The following ADAM12 variants were observed in gnomAD, a reference collection of about 807,000 sequenced individuals.
ADAM12 encodes the protein ADAM metallopeptidase domain 12, also known as disintegrin and metalloproteinase domain-containing protein 12.
Under a neutral mutation model 106.4 loss-of-function variants are expected in ADAM12, and 70 were observed. The ratio of observed to expected loss-of-function variants is 0.66; its 90% CI spans 0.54 to 0.80. ADAM12 has a LOEUF of 0.80. ADAM12 is among the 30% of genes least tolerant of loss of function. ADAM12 has a pLI of 0.00. For missense variants in ADAM12, 1,010 were observed against 1,171.9 expected (o/e 0.86, Z 2.02); for synonymous variants, 420 against 433.5 (o/e 0.97, Z 0.39).
intron 3 of ADAM12, among the ~76,000 whole-genome samples, chr10:126,226,559 C>T (rs978657221): frequency 2.6e-5 from 4 of 152,146 alleles, no homozygotes; most frequent in African/African-American, 4.8e-5. Flanking sequence ...GCTCTGCCTC[C>T]GGCCAGCTGA....
chr10:126,286,426 A>C (rs531490422), intron 2 of ADAM12, among the ~76,000 whole-genome samples: 2 of 152,312 alleles, frequency 1.3e-5, no homozygotes, highest in South Asian at 4.1e-4. Flanking sequence ...TCAATACTGG[A>C]AGCTCAGAGG....
At chr10:126,243,520 G>A in intron 3 of ADAM12, among the ~76,000 whole-genome samples, 1 of 73,006 alleles carries the variant, frequency 1.4e-5, no homozygotes, top group Admixed American at 1.5e-4. Flanking sequence ...TGTGTGTGTA[G>A]GTCATTCAGG....
intron 3 of ADAM12, among the ~76,000 whole-genome samples, chr10:126,180,924 A>T (rs1320266914): frequency 6.6e-6 from 1 of 152,232 alleles, no homozygotes; most frequent in Non-Finnish European, 1.5e-5. Context: ...AAGAAGTACA[A>T]GTCTGAAGGA....
At position 126,319,607 on chromosome 10, in the gene ADAM12, C is replaced by T. The variant is rs146496401; in HGVS notation, c.186+10805G>A. ...CAACCAAGAGGAGCCTTCAGAGACA[C>T]GACACTGAACACGATATAATGTGAG... On this transcript the variant is annotated intron_variant, in intron 2 of 22. Coordinates refer to ENST00000448723, the MANE Select transcript of ADAM12 (RefSeq NM_001288973.2). Among the ~76,000 whole-genome samples the T allele has an allele frequency of 2.5e-3, 380 of 152,224 alleles. 1 individual carries two copies. Among genetic ancestry groups the T allele is most frequent in the African/African-American group, 8.6e-3 (357 of 41,538 alleles).
At chr10:126,182,840 C>T (rs1251101880) in intron 3 of ADAM12, among the ~76,000 whole-genome samples, 1 of 152,220 alleles carries the variant, frequency 6.6e-6, no homozygotes, top group Admixed American at 6.5e-5. Flanking sequence ...AGTTAATTTT[C>T]CCGCCTCCTG....
At chr10:126,232,988 G>A (rs1432134864) in intron 3 of ADAM12, among the ~76,000 whole-genome samples, 2 of 152,048 alleles carry the variant, frequency 1.3e-5, no homozygotes, top group Admixed American at 6.6e-5. Flanking sequence ...GTGGCATCTC[G>A]ATATGTTTCT....
chr10:126,240,929 C>T (rs1958509914), intron 3 of ADAM12, among the ~76,000 whole-genome samples: 1 of 152,238 alleles, frequency 6.6e-6, no homozygotes, highest in African/African-American at 2.4e-5. Context: ...CTTGCTATGG[C>T]ATAGGCCAAA....
At chr10:126,113,367 A>T (rs1159073840) in intron 6 of ADAM12, among the ~76,000 whole-genome samples, 1 of 151,948 alleles carries the variant, frequency 6.6e-6, no homozygotes, top group African/African-American at 2.4e-5. Context: ...GTGAGATTTT[A>T]AAAATATTGC....
intron 3 of ADAM12, among the ~76,000 whole-genome samples, chr10:126,186,383 G>C (rs7893228): frequency 0.1 from 15,708 of 152,140 alleles, 2,754 homozygotes; most frequent in African/African-American, 0.36. Flanking sequence ...TTTCTGTCTG[G>C]GTCTGCCTGG....
rs1402871071 is a variant in ADAM12, at chr10:126,013,462, A to C, written c.*3817T>G. 6.6e-6 allele frequency: 1 copy of C among 152,238 alleles called. No individual in the cohort carries two copies. The highest frequency in any genetic ancestry group is 1.5e-5 in the Non-Finnish European group (1 of 68,054). The allele number at this position is 152,238 out of a possible 1,614,324, so 9.4% of individuals were successfully genotyped here. ...AACTTCCCCTTCTAATTAGAACAAG[A>C]CATTGGGTGGGAGGTCCTCTGCTGG... On this transcript the variant is annotated 3_prime_UTR_variant, in exon 23 of 23. Coordinates refer to ENST00000448723, the MANE Select transcript of ADAM12 (RefSeq NM_001288973.2). The surrounding 1 kb of genome is among the most constrained non-coding windows in gnomAD (Gnocchi z 4.3).
intron 8 of ADAM12, among the ~76,000 whole-genome samples, chr10:126,102,111 T>C (rs561723797): frequency 6.6e-6 from 1 of 152,236 alleles, no homozygotes; most frequent in Admixed American, 6.5e-5. Context: ...AGGGATGGCT[T>C]TGTCTCATAG....
intron 1 of ADAM12, among the ~76,000 whole-genome samples, chr10:126,341,474 A>G (rs1373785864): frequency 6.6e-6 from 1 of 152,308 alleles, no homozygotes; most frequent in East Asian, 1.9e-4. Context: ...TCACCCTGCA[A>G]TGTCTGATCC....
In ADAM12 at chr10:126,233,933, G is replaced by C. The variant is rs1958364006; in HGVS notation, c.260+44982C>G. On this transcript the variant is annotated intron_variant, in intron 3 of 22. Coordinates refer to ENST00000448723, the MANE Select transcript of ADAM12 (RefSeq NM_001288973.2). ...AGGTTCTATAAAGGAAAAGAGAAGA[G>C]ATTAAGGAACCGGCAATATATCATT... 2.6e-5 allele frequency among the ~76,000 whole-genome samples: 4 copies of C among 152,218 alleles called. No homozygotes were observed. In the South Asian group the frequency reaches 8.3e-4, roughly 31 times the overall value.
rs939590396 is a variant in ADAM12, at chr10:126,066,602, C to T, written c.1413+115G>A. The T allele has an allele frequency of 2.6e-5, 24 of 918,326 alleles. No individual in the cohort carries two copies. Among genetic ancestry groups the T allele is most frequent in the East Asian group, 1.5e-4 (6 of 39,650 alleles). 56.9% of individuals were successfully genotyped at this position (918,326 alleles called of 1,614,324 possible). ...ACTGGCGTGAGAAGGAGGGATGGTG[C>T]GTGCTGTGGTGAGTGCTGGGAAACC... On this transcript the variant is annotated intron_variant, in intron 13 of 22. Coordinates refer to ENST00000448723, the MANE Select transcript of ADAM12 (RefSeq NM_001288973.2). This position sits in a 1 kb window ranked among gnomAD's most constrained non-coding sequence, Gnocchi z 5.1.
chr10:126,101,185 G>GTCATTCCACACTTCCA lies in ADAM12; in HGVS notation c.782_797dup (p.Met267GlyfsTer5). The GTCATTCCACACTTCCA allele has an allele frequency of 2.5e-6, 4 of 1,614,150 alleles. No homozygotes were observed. Among genetic ancestry groups the GTCATTCCACACTTCCA allele is most frequent in the Non-Finnish European group, 3.4e-6 (4 of 1,180,014 alleles). On this transcript the variant is annotated stop_gained and frameshift_variant, in exon 9 of 23. Coordinates refer to ENST00000448723, the MANE Select transcript of ADAM12 (RefSeq NM_001288973.2). LOFTEE classifies it high-confidence loss of function. ...CCTGACTTACAGAGCATTTGTCCATGTCATTCCACACTTCCACGCCTACCA... is the reference window on the plus strand; with the variant it reads ...CCTGACTTACAGAGCATTTGTCCATGTCATTCCACACTTCCATCATTCCACACTTCCACGCCTACCA...
rs184382942 is a variant in ADAM12, at chr10:126,042,499, C to T, written c.2104+541G>A. On this transcript the variant is annotated intron_variant, in intron 18 of 22. Transcript: ENST00000448723. ...GTATGTGAGAAAAGAATCATACCAC[C>T]TTCTTCAGAGTTGTATAAGGAGGGG... Among the ~76,000 whole-genome samples, 11 of 152,266 alleles carry T rather than the reference C, an allele frequency of 7.2e-5. No individual in the cohort carries two copies. In the East Asian group the frequency reaches 2.1e-3, roughly 29 times the overall value.
chr10:126,341,195 A>G (rs538734294), intron 1 of ADAM12, among the ~76,000 whole-genome samples: 2 of 152,202 alleles, frequency 1.3e-5, no homozygotes, highest in East Asian at 1.9e-4. Flanking sequence ...TATCCCGCCT[A>G]CAGCCACTAT....
chr10:126,105,717 A>G (rs1201856214), intron 8 of ADAM12, among the ~76,000 whole-genome samples: 1 of 152,214 alleles, frequency 6.6e-6, no homozygotes, highest in Non-Finnish European at 1.5e-5. Context: ...GTCTAGACCG[A>G]GGTCCAGTTC....
At chr10:126,203,817 C>T (rs1180874226) in intron 3 of ADAM12, among the ~76,000 whole-genome samples, 2 of 152,044 alleles carry the variant, frequency 1.3e-5, no homozygotes, top group African/African-American at 4.8e-5. Flanking sequence ...GTGCTATGGC[C>T]CAGTTCTGTG....
Sources: allele counts gnomAD v4.1 joint callset (sites outside exome capture counted in the v4.1 genomes callset), GRCh38; gene constraint gnomAD v4.1.1; non-coding constraint Gnocchi (gnomAD v3.1); transcripts MANE v1.5; gene names NCBI Gene and HGNC (gene_info 2026-07-23, HGNC 2026-07-21).